Variants in ZC3H12B observed in about 807,000 individuals in gnomAD.
ZC3H12B encodes zinc finger CCCH-type containing 12B.
ZC3H12B carries 7 observed loss-of-function variants against 43.9 expected under a neutral mutation model. The ratio of observed to expected loss-of-function variants is 0.16; its 90% CI spans 0.09 to 0.30. ZC3H12B has a LOEUF of 0.30. ZC3H12B is among the 10% of genes least tolerant of loss of function. The probability of loss-of-function intolerance (pLI) is 1.00; values close to 1 mark genes in which losing one functional copy is unlikely to be tolerated. For missense variants in ZC3H12B, 475 were observed against 670.2 expected (o/e 0.71, Z 3.22); for synonymous variants, 222 against 241.7 (o/e 0.92, Z 0.76).
At chrX:65,412,265 C>A (rs1452189837) in intron 3 of ZC3H12B, among the ~76,000 whole-genome samples, 1 of 111,692 alleles carries the variant, frequency 9.0e-6, no homozygotes, top group Non-Finnish European at 1.9e-5. Context: ...TGCCTTGCTT[C>A]TTTCATTTAC....
the ZC3H12B span, among the ~76,000 whole-genome samples, chrX:65,222,026 G>A: frequency 0.015 from 1,628 of 111,458 alleles, 27 homozygotes; most frequent in African/African-American, 0.05. Context: ...TTATATCAGG[G>A]ACACAGGAGT....
chrX:65,436,247 A>G (rs1246747476), intron 3 of ZC3H12B, among the ~76,000 whole-genome samples: 1 of 111,304 alleles, frequency 9.0e-6, no homozygotes, highest in Non-Finnish European at 1.9e-5. Flanking sequence ...TGATTCAATA[A>G]CCTCCCACTA....
the ZC3H12B span, among the ~76,000 whole-genome samples, chrX:65,359,317 G>C: frequency 8.9e-6 from 1 of 111,840 alleles, no homozygotes; most frequent in Non-Finnish European, 1.9e-5. Context: ...TGATTTTCAA[G>C]TCCTATTATT....
At chrX:65,155,173 G>T in the ZC3H12B span, among the ~76,000 whole-genome samples, 5 of 110,076 alleles carry the variant, frequency 4.5e-5, no homozygotes, top group African/African-American at 1.7e-4. Flanking sequence ...GCCCAGACTG[G>T]TCTTGAACTC....
the ZC3H12B span, among the ~76,000 whole-genome samples, chrX:65,294,346 T>C: frequency 1.8e-5 from 2 of 111,621 alleles, no homozygotes; most frequent in Admixed American, 9.5e-5. Context: ...CAAGAAGTGA[T>C]AAAAGGAGCT....
At chrX:65,042,743 C>A in the ZC3H12B span, among the ~76,000 whole-genome samples, 1 of 111,392 alleles carries the variant, frequency 9.0e-6, no homozygotes, top group Non-Finnish European at 1.9e-5. Context: ...TTCAAACTAG[C>A]TTAAAGAAAA....
the ZC3H12B span, among the ~76,000 whole-genome samples, chrX:65,115,041 A>T: frequency 7.1e-5 from 7 of 99,132 alleles, no homozygotes; most frequent in Non-Finnish European, 1.2e-4. Flanking sequence ...GGCACATGAA[A>T]TTTTTATTTT....
intron 3 of ZC3H12B, among the ~76,000 whole-genome samples, chrX:65,477,817 CTGTGTGTGTGTGTGTGTG>C (rs746164349): frequency 1.1e-5 from 1 of 92,981 alleles, no homozygotes; most frequent in Admixed American, 1.2e-4. Flanking sequence ...AAACATTCCT[CTGTGTGTGTGTGTGTGTG>C]TGTGTGTGTG....
chrX:65,460,067 GACAA>G (rs1471360059), intron 3 of ZC3H12B, among the ~76,000 whole-genome samples: 3 of 111,517 alleles, frequency 2.7e-5, no homozygotes, highest in Admixed American at 9.6e-5. Context: ...ACTAATAACA[GACAA>G]ACAGAGAGCC....
At chrX:65,462,044 T>A (rs942330160) in intron 3 of ZC3H12B, among the ~76,000 whole-genome samples, 2 of 110,452 alleles carry the variant, frequency 1.8e-5, no homozygotes, top group Non-Finnish European at 3.8e-5. Context: ...AAATAAATGA[T>A]GTGGTTAATT....
At chrX:65,206,600 A>T in the ZC3H12B span, among the ~76,000 whole-genome samples, 4 of 111,002 alleles carry the variant, frequency 3.6e-5, no homozygotes, top group African/African-American at 3.3e-5. Flanking sequence ...ACATTGGCTT[A>T]GGCAAAGACT....
chrX:65,409,161 T>TA (rs749258695), intron 3 of ZC3H12B, among the ~76,000 whole-genome samples: 204 of 111,061 alleles, frequency 1.8e-3, no homozygotes, highest in African/African-American at 6.3e-3. Flanking sequence ...TGTCAAGAAA[T>TA]AAAAAAATAG....
At chrX:65,373,988 A>ATATATATACTG (rs1569379801) in intron 2 of ZC3H12B, among the ~76,000 whole-genome samples, 4 of 45,462 alleles carry the variant, frequency 8.8e-5, no homozygotes, top group Non-Finnish European at 1.3e-4. Flanking sequence ...TATATACTAT[A>ATATATATACTG]TATATATAGT....
chrX:65,468,095 T>C (rs1371102370), intron 3 of ZC3H12B, among the ~76,000 whole-genome samples: 1 of 112,195 alleles, frequency 8.9e-6, no homozygotes, highest in Non-Finnish European at 1.9e-5. Context: ...AGGTCTTAGA[T>C]TTATGTCTTT....
At chrX:65,418,264 A>C (rs965544222) in intron 3 of ZC3H12B, among the ~76,000 whole-genome samples, 6 of 111,895 alleles carry the variant, frequency 5.4e-5, no homozygotes, top group Non-Finnish European at 7.5e-5. Flanking sequence ...GGAATACCCT[A>C]GCTCATTGTG....
the ZC3H12B span, among the ~76,000 whole-genome samples, chrX:65,164,283 T>A: frequency 1.8e-5 from 2 of 111,449 alleles, no homozygotes; most frequent in Non-Finnish European, 3.8e-5. Context: ...AGTCAGTTAC[T>A]GGGTGTGGGT....
chrX:65,412,423 A>C (rs1399545926), intron 3 of ZC3H12B, among the ~76,000 whole-genome samples: 1 of 112,091 alleles, frequency 8.9e-6, no homozygotes, highest in Non-Finnish European at 1.9e-5. Flanking sequence ...ATAATGCTGC[A>C]ATGATCATGT....
the ZC3H12B span, among the ~76,000 whole-genome samples, chrX:65,230,416 G>A: frequency 8.2e-5 from 9 of 109,334 alleles, no homozygotes; most frequent in Non-Finnish European, 1.3e-4. Flanking sequence ...GATAGCATTA[G>A]GAGATATACC....
chrX:65,183,649 C>A, the ZC3H12B span, among the ~76,000 whole-genome samples: 4 of 111,665 alleles, frequency 3.6e-5, no homozygotes, highest in Non-Finnish European at 7.5e-5. Context: ...AGATACTTAT[C>A]TTTTCCTGAT....
Sources: allele counts gnomAD v4.1 joint callset (sites outside exome capture counted in the v4.1 genomes callset), GRCh38; gene constraint gnomAD v4.1.1; transcripts MANE v1.5; gene names NCBI Gene and HGNC (gene_info 2026-07-23, HGNC 2026-07-21).